LINGO2: variants seen among roughly 807,000 people sequenced by gnomAD.
LINGO2 encodes the protein leucine-rich repeat and immunoglobulin-like domain-containing nogo receptor-interacting protein 2.
In LINGO2, 14 loss-of-function variants were observed where a neutral mutation model predicts 30.6. That is an observed-to-expected ratio of 0.46 (90% CI 0.30 to 0.72). The LOEUF (loss-of-function observed/expected upper bound fraction) is 0.72, where lower values mean the gene tolerates loss of function less well. Ranked by LOEUF, LINGO2 falls within the 30% of genes least tolerant of loss-of-function variation. The pLI, the probability that LINGO2 is intolerant of heterozygous loss-of-function variation, is 0.07. For synonymous variants in LINGO2, 317 were observed against 288.5 expected (o/e 1.10, Z -1.00); for missense variants, 729 against 751.7 (o/e 0.97, Z 0.35).
intron 3 of LINGO2, among the ~76,000 whole-genome samples, chr9:28,351,273 A>AG (rs1038811064): frequency 1.6e-4 from 24 of 145,512 alleles, no homozygotes; most frequent in Non-Finnish European, 2.6e-4. Context: ...AAAGAAAAAA[A>AG]GAGAGAAGAA....
At chr9:29,148,803 G>A in the LINGO2 span, among the ~76,000 whole-genome samples, 1 of 152,060 alleles carries the variant, frequency 6.6e-6, no homozygotes, top group Non-Finnish European at 1.5e-5. Context: ...CTCTACAAAT[G>A]TGGGTGATAA....
At chr9:28,365,056 G>T (rs1326911430) in intron 3 of LINGO2, among the ~76,000 whole-genome samples, 7 of 152,254 alleles carry the variant, frequency 4.6e-5, no homozygotes, top group East Asian at 1.9e-4. Context: ...TGCTATAATA[G>T]ACATATGAGC....
the LINGO2 span, among the ~76,000 whole-genome samples, chr9:28,902,551 G>C: frequency 6.6e-6 from 1 of 152,098 alleles, no homozygotes; most frequent in Admixed American, 6.5e-5. Flanking sequence ...CAGGTGTATA[G>C]AGAGCATTCT....
At chr9:28,234,295 G>A (rs931034812) in intron 4 of LINGO2, among the ~76,000 whole-genome samples, 3 of 152,144 alleles carry the variant, frequency 2.0e-5, no homozygotes, top group South Asian at 2.1e-4. Flanking sequence ...GCAGTGGCAT[G>A]GCAGAACCCC....
the LINGO2 span, among the ~76,000 whole-genome samples, chr9:28,982,378 C>T: frequency 6.6e-6 from 1 of 151,934 alleles, no homozygotes; most frequent in Non-Finnish European, 1.5e-5. Flanking sequence ...ACCCACATTC[C>T]TATTCTCAGT....
At chr9:28,797,355 TATATAGAGAGAG>T in the LINGO2 span, among the ~76,000 whole-genome samples, 60 of 59,308 alleles carry the variant, frequency 1.0e-3, no homozygotes, top group African/African-American at 3.1e-3. Context: ...TATATATATA[TATATAGAGAGAG>T]AGAGAGAGAG....
At chr9:28,880,948 T>A in the LINGO2 span, among the ~76,000 whole-genome samples, 44 of 152,196 alleles carry the variant, frequency 2.9e-4, no homozygotes, top group South Asian at 6.2e-4. Context: ...CATAGATTCT[T>A]TTGCTCACAT....
chr9:28,705,490 G>T, the LINGO2 span, among the ~76,000 whole-genome samples: 1 of 151,966 alleles, frequency 6.6e-6, no homozygotes, highest in Admixed American at 6.6e-5. Context: ...TATCAGTTGG[G>T]ACCTGATAAA....
At chr9:28,379,705 C>A (rs533902869) in intron 2 of LINGO2, among the ~76,000 whole-genome samples, 1 of 152,128 alleles carries the variant, frequency 6.6e-6, no homozygotes, top group African/African-American at 2.4e-5. Context: ...AGGAAATGAA[C>A]CTGCTTTACT....
At chr9:28,189,294 AGG>A (rs1819671244) in intron 4 of LINGO2, among the ~76,000 whole-genome samples, 1 of 35,238 alleles carries the variant, frequency 2.8e-5, no homozygotes, top group South Asian at 8.2e-4. Context: ...GGAGGGAGGA[AGG>A]AAGGAAGGGA....
At chr9:28,310,191 T>G (rs958575829) in intron 3 of LINGO2, among the ~76,000 whole-genome samples, 60 of 152,154 alleles carry the variant, frequency 3.9e-4, no homozygotes, top group African/African-American at 1.4e-3. Flanking sequence ...TTCTAGGTAT[T>G]TACTCACAAG....
chr9:28,775,368 C>T, the LINGO2 span, among the ~76,000 whole-genome samples: 1 of 152,168 alleles, frequency 6.6e-6, no homozygotes. Flanking sequence ...CTATCTGAGC[C>T]AGGTTTCTGA....
the LINGO2 span, among the ~76,000 whole-genome samples, chr9:29,141,870 A>G: frequency 1.3e-5 from 2 of 151,956 alleles, no homozygotes; most frequent in African/African-American, 4.8e-5. Context: ...AACAATAATA[A>G]ATGTATATGC....
chr9:28,439,709 T>C (rs1279269459), intron 2 of LINGO2, among the ~76,000 whole-genome samples: 1 of 152,148 alleles, frequency 6.6e-6, no homozygotes, highest in African/African-American at 2.4e-5. Context: ...CCAGGCATGG[T>C]TCCTGCACAG....
At chr9:28,045,609 G>A (rs1824384520) in intron 4 of LINGO2, among the ~76,000 whole-genome samples, 1 of 152,176 alleles carries the variant, frequency 6.6e-6, no homozygotes, top group Non-Finnish European at 1.5e-5. Context: ...TGGGAGCCTA[G>A]AGGATTTTCT....
chr9:28,266,463 T>A (rs1298636093), intron 4 of LINGO2, among the ~76,000 whole-genome samples: 1 of 151,986 alleles, frequency 6.6e-6, no homozygotes, highest in Admixed American at 6.6e-5. Flanking sequence ...TTTCCCAGAT[T>A]TCTCTCTCCA....
At chr9:29,190,051 G>GAGGGA in the LINGO2 span, among the ~76,000 whole-genome samples, 1 of 141,168 alleles carries the variant, frequency 7.1e-6, no homozygotes, top group Admixed American at 7.0e-5. Context: ...GGGAGAGGGA[G>GAGGGA]GGGGAGGGGG....
intron 5 of LINGO2, among the ~76,000 whole-genome samples, chr9:27,959,913 GT>G (rs1819752373): frequency 6.6e-6 from 1 of 152,016 alleles, no homozygotes; most frequent in Non-Finnish European, 1.5e-5. Flanking sequence ...ATATTCCTAA[GT>G]TCTATAGGTT....
At chr9:28,737,365 T>C in the LINGO2 span, among the ~76,000 whole-genome samples, 1 of 152,164 alleles carries the variant, frequency 6.6e-6, no homozygotes, top group Non-Finnish European at 1.5e-5. Context: ...AGTCAATCAG[T>C]GGAGCCTTAC....
Sources: allele counts gnomAD v4.1 joint callset (sites outside exome capture counted in the v4.1 genomes callset), GRCh38; gene constraint gnomAD v4.1.1; transcripts MANE v1.5; gene names NCBI Gene and HGNC (gene_info 2026-07-23, HGNC 2026-07-21).